FABP6: variants seen among roughly 807,000 people sequenced by gnomAD.
FABP6 encodes fatty acid binding protein 6.
FABP6 carries 13 observed loss-of-function variants against 14.9 expected under a neutral mutation model. The observed-to-expected ratio is 0.87, with a 90% confidence interval of 0.57 to 1.39. The LOEUF (loss-of-function observed/expected upper bound fraction) is 1.39, where lower values mean the gene tolerates loss of function less well. Among genes scored for constraint, FABP6 ranks in the 40% most tolerant of loss-of-function variants. FABP6 has a pLI of 0.00. For synonymous variants in FABP6, 75 were observed against 63.6 expected, an observed-to-expected ratio of 1.18 and a Z score of -0.85; for missense variants, 161 against 167.2, an observed-to-expected ratio of 0.96 and a Z score of 0.20.
In FABP6 at chr5:160,215,685, C is replaced by CA. The variant is rs112644160; in HGVS notation, c.135+1879dup. 2.6e-3 allele frequency among the ~76,000 whole-genome samples: 275 copies of CA among 104,106 alleles called. 2 individuals are homozygous for CA. In the East Asian group the frequency reaches 0.031, roughly 12 times the overall value. The allele number at this position is 104,106 out of a possible 152,430, so 68.3% of individuals were successfully genotyped here. On this transcript the variant is annotated intron_variant, in intron 3 of 6. Transcript: ENST00000393980. ...TTTGGGTGACAGAGCAAGACCTTGT[C>CA]AAAAAAAAAAAAAGAAAAAAAGAAG...
At chr5:160,202,336 T>G (rs1037792093) in intron 2 of FABP6, among the ~76,000 whole-genome samples, 3 of 152,156 alleles carry the variant, frequency 2.0e-5, no homozygotes, top group African/African-American at 7.2e-5. Context: ...TCAAAAACTT[T>G]TTTCTCTTAT....
At chr5:160,232,076 C>T (rs768256776) in intron 1 of FABP6, 22 bp from the exon 2 acceptor site, 24 of 1,611,348 alleles carry the variant, frequency 1.5e-5, no homozygotes, top group Non-Finnish European at 2.0e-5. Context: ...TATATGGCTA[C>T]TCTGCTTGTC....
chr5:160,217,573 A>G (rs1760038346), intron 3 of FABP6, among the ~76,000 whole-genome samples: 1 of 152,158 alleles, frequency 6.6e-6, no homozygotes, highest in Non-Finnish European at 1.5e-5. Context: ...AGGTGCTGCG[A>G]AAAGTACTTT....
chr5:160,212,027 G>A (rs1460743246), intron 2 of FABP6, among the ~76,000 whole-genome samples: 8 of 123,748 alleles, frequency 6.5e-5, no homozygotes, highest in South Asian at 2.5e-4. Context: ...CCCTCTTATC[G>A]CCCAGGCTGT....
chr5:160,188,561 G>T (rs1445907335), intron 1 of FABP6, among the ~76,000 whole-genome samples: 3 of 152,152 alleles, frequency 2.0e-5, no homozygotes, highest in Non-Finnish European at 4.4e-5. Flanking sequence ...GCGGCGCTCG[G>T]CCTGCACCGA....
intron 3 of FABP6, among the ~76,000 whole-genome samples, chr5:160,219,745 G>A (rs1580914902): frequency 6.6e-6 from 1 of 152,138 alleles, no homozygotes; most frequent in Non-Finnish European, 1.5e-5. Flanking sequence ...TTAAGCGGGG[G>A]CCTGGAGAAG....
intron 3 of FABP6, among the ~76,000 whole-genome samples, chr5:160,217,350 C>G (rs1259247215): frequency 1.3e-5 from 2 of 152,096 alleles, no homozygotes; most frequent in African/African-American, 4.8e-5. Flanking sequence ...ATATTTAAAG[C>G]TATTGGCTGG....
At chr5:160,194,574 A>AAG (rs564058075) in intron 1 of FABP6, among the ~76,000 whole-genome samples, 51 of 152,192 alleles carry the variant, frequency 3.4e-4, no homozygotes, top group African/African-American at 1.0e-3. Flanking sequence ...TAAAAATAAA[A>AAG]AGAGAGAGAG....
intron 3 of FABP6, among the ~76,000 whole-genome samples, chr5:160,221,942 A>G (rs1760136374): frequency 6.6e-6 from 1 of 152,188 alleles, no homozygotes; most frequent in African/African-American, 2.4e-5. Flanking sequence ...ATGTAGTGGG[A>G]TCTGCGGTTT....
intron 3 of FABP6, among the ~76,000 whole-genome samples, chr5:160,214,147 C>CT (rs1241045778): frequency 2.2e-5 from 3 of 137,638 alleles, no homozygotes; most frequent in African/African-American, 8.4e-5. Context: ...TTCTTTCTTT[C>CT]TTTCTTTCTT....
rs541490895 is a variant in FABP6, at chr5:160,238,591, G to A, written c.334-15G>A. The A allele has an allele frequency of 2.2e-5, 35 of 1,613,572 alleles. No individual in the cohort carries two copies. In the Middle Eastern group the frequency reaches 6.6e-4, roughly 30 times the overall value. On this transcript the variant is annotated splice_polypyrimidine_tract_variant and intron_variant, in intron 3 of 3. Transcript: ENST00000402432. ...GTGGGGCACTGACTCCCTCTGTCCC[G>A]GCTGCTTCTTTCAGGTCTCCACCAT...
intron 2 of FABP6, among the ~76,000 whole-genome samples, chr5:160,201,409 G>A (rs1759637377): frequency 6.6e-6 from 1 of 151,930 alleles, no homozygotes; most frequent in African/African-American, 2.4e-5. Flanking sequence ...GCCTAGGGTG[G>A]GGGGGTAGGG....
chr5:160,208,765 TTTTC>T (rs1408462782), intron 2 of FABP6, among the ~76,000 whole-genome samples: 3 of 146,572 alleles, frequency 2.0e-5, no homozygotes, highest in African/African-American at 5.0e-5. Context: ...CCATTTCTTT[TTTTC>T]TTTCTTTCTT....
intron 3 of FABP6, among the ~76,000 whole-genome samples, chr5:160,236,607 G>A (rs1707245967): frequency 1.3e-5 from 2 of 152,156 alleles, no homozygotes; most frequent in Admixed American, 1.3e-4. Context: ...CTGACTTCTA[G>A]ACTAGGCCCC....
intron 3 of FABP6, among the ~76,000 whole-genome samples, chr5:160,217,882 A>G (rs994196416): frequency 4.2e-4 from 64 of 151,992 alleles, no homozygotes; most frequent in African/African-American, 1.4e-3. Context: ...GGCTCAAGCA[A>G]ATCTCCCACC....
At chr5:160,229,129 G>A (rs993055509), upstream of FABP6, among the ~76,000 whole-genome samples, 6 of 152,176 alleles carry the variant, frequency 3.9e-5, no homozygotes, top group Non-Finnish European at 7.3e-5. Context: ...TGTGTGTCTC[G>A]TTCATCTGTG....
chr5:160,229,320 G>A, upstream of FABP6: 3 of 865,786 alleles, frequency 3.5e-6, no homozygotes, highest in South Asian at 2.4e-5. Context: ...TGACCCTGCT[G>A]GCAATGGGGT....
At chr5:160,235,575 C>T (rs929037068) in intron 3 of FABP6, among the ~76,000 whole-genome samples, 4 of 152,142 alleles carry the variant, frequency 2.6e-5, no homozygotes, top group African/African-American at 7.2e-5. Flanking sequence ...AAGGAATGAA[C>T]GTGAGGTTAA....
intron 1 of FABP6, among the ~76,000 whole-genome samples, chr5:160,187,878 A>G (rs1319994991): frequency 6.6e-6 from 1 of 151,882 alleles, no homozygotes; most frequent in African/African-American, 2.4e-5. Context: ...TCAGCCTCCC[A>G]AGTAGCTGGG....
Sources: gnomAD v4.1 joint callset for allele counts (sites outside exome capture counted in the v4.1 genomes callset) on GRCh38, gnomAD v4.1.1 for gene constraint, MANE v1.5 for transcripts, NCBI Gene and HGNC (gene_info 2026-07-23, HGNC 2026-07-21) for gene names.